The following YPEL4 variants were observed in gnomAD, a reference collection of about 807,000 sequenced individuals.
YPEL4 encodes the protein protein yippee-like 4.
A neutral mutation model predicts 16.3 loss-of-function variants in YPEL4; 5 were observed. That is an observed-to-expected ratio of 0.31 (90% CI 0.16 to 0.64). The LOEUF (loss-of-function observed/expected upper bound fraction) is 0.64, where lower values mean the gene tolerates loss of function less well. Among genes scored for constraint, YPEL4 ranks in the 30% least tolerant of loss-of-function variants. The probability of loss-of-function intolerance (pLI) is 0.79; values close to 1 mark genes in which losing one functional copy is unlikely to be tolerated. For synonymous variants in YPEL4, 61 were observed against 60.7 expected, an observed-to-expected ratio of 1.00 and a Z score of -0.02; for missense variants, 127 against 170.0, an observed-to-expected ratio of 0.75 and a Z score of 1.41.
intron 4 of YPEL4, 98 bp from the exon 5 acceptor site, chr11:57,646,168 C>T (rs992376793): frequency 7.4e-5 from 116 of 1,562,792 alleles, no homozygotes; most frequent in Admixed American, 7.2e-4. Flanking sequence ...ATCCACCTAG[C>T]CCAACCCAGT....
rs777125099 is a variant in YPEL4, at chr11:57,646,090, T to G, written c.295-20A>C. The stretch of plus-strand genomic sequence containing the variant: ...TTGCTCCTGGTGAAGGAGAAAGCAG[T>G]GATTGTAGGACAAAGCAGTTTCCTT... On this transcript the variant is annotated intron_variant, in intron 4 of 4. Transcript: ENST00000300022. 4 of 1,613,660 alleles carry G rather than the reference T, an allele frequency of 2.5e-6. No individual in the cohort carries two copies. The South Asian group carries it at 4.4e-5, about 18-fold the overall frequency.
Position 57,649,734 on chromosome 11 carries a change from A to C in YPEL4, c.-234T>G, listed in dbSNP as rs1945768905. ...CGTCTATCTCTCTCTCTCTCTCTCA[A>C]TCTCTCAATCTCTCTGCTCACTCTT... On this transcript the variant is annotated 5_prime_UTR_variant, in exon 1 of 5. Transcript: ENST00000300022. 2 of 138,292 alleles carry C rather than the reference A, an allele frequency of 1.4e-5. No individual in the cohort carries two copies. Among genetic ancestry groups the C allele is most frequent in the East Asian group, 2.2e-4 (1 of 4,488 alleles). The allele number at this position is 138,292 out of a possible 1,614,324, so 8.6% of individuals were successfully genotyped here. A position where few individuals can be genotyped will look rare whatever the true frequency, so the allele number is the denominator to read the frequency against.
rs767844187 is a variant in YPEL4, at chr11:57,647,289, C to T, written c.-182G>A. 1.2e-6 allele frequency: 1 copy of T among 803,122 alleles called. No homozygotes were observed. Among genetic ancestry groups the T allele is most frequent in the South Asian group, 2.4e-5 (1 of 42,278 alleles). 49.7% of individuals were successfully genotyped at this position (803,122 alleles called of 1,614,324 possible). A position where few individuals can be genotyped will look rare whatever the true frequency, so the allele number is the denominator to read the frequency against. ...ACGAGAACCAGATAGAAATAGAAGTCACCTGGGAAGAGGGGAAAGGACATC... is the reference window on the plus strand; with the variant it reads ...ACGAGAACCAGATAGAAATAGAAGTTACCTGGGAAGAGGGGAAAGGACATC... On this transcript the variant is annotated splice_region_variant and 5_prime_UTR_variant, in exon 2 of 5. Coordinates refer to ENST00000300022, the MANE Select transcript of YPEL4 (RefSeq NM_145008.3). The surrounding 1 kb of genome is among the most constrained non-coding windows in gnomAD (Gnocchi z 4.2).
rs1012092843 is a variant in YPEL4 at position 57,645,790 on chromosome 11, C to T, written c.*191G>A. On this transcript the variant is annotated 3_prime_UTR_variant, in exon 5 of 5. Coordinates refer to ENST00000300022, the MANE Select transcript of YPEL4 (RefSeq NM_145008.3). ...ACTGCTGCCCACTCCTGAGCCTTAA[C>T]ACCCCTGGGGTACCCCCAGACCCCT... 1 of 600,484 alleles carries T rather than the reference C, an allele frequency of 1.7e-6. No individual in the cohort carries two copies. Among genetic ancestry groups the T allele is most frequent in the East Asian group, 2.8e-5 (1 of 35,902 alleles). 37.2% of individuals were successfully genotyped at this position (600,484 alleles called of 1,614,324 possible).
chr11:57,646,054 G>A lies in YPEL4; in HGVS notation c.311C>T (p.Thr104Met), dbSNP rs371932613. 1.7e-5 allele frequency: 28 copies of A among 1,614,072 alleles called. No homozygotes were observed. The highest frequency in any genetic ancestry group is 5.0e-5 in the Admixed American group (3 of 60,022). The part of the protein sequence containing the change: ...LGWKYEQAFE[T>M]SQKYKEGKYI... ...TTTCCCTTCCTTGTACTTCTGGCTC[G>A]TCTCAAAAGCTTGCTCCTGGTGAAG... The change falls in exon 5 of 5, where the codon ACG becomes ATG. Residue 104 changes from threonine to methionine, a missense_variant. By Grantham distance (81) the Thr-to-Met change is moderately conservative. Transcript: ENST00000300022.
In YPEL4 at chr11:57,647,315, A is replaced by G; in HGVS notation, c.-184-24T>C. On this transcript the variant is annotated intron_variant, in intron 1 of 4. Transcript: ENST00000300022. The surrounding 1 kb of genome is among the most constrained non-coding windows in gnomAD (Gnocchi z 4.2). The stretch of plus-strand genomic sequence containing the variant: ...ACCTGGGAAGAGGGGAAAGGACATC[A>G]GGGGAGCTGCGACCTCAGGAGGACC... The G allele has an allele frequency of 3.3e-6, 2 of 605,254 alleles. No individual in the cohort carries two copies. The allele number at this position is 605,254 out of a possible 1,614,324, so 37.5% of individuals were successfully genotyped here.
At position 57,645,952 on chromosome 11, in the gene YPEL4, G is replaced by A. The variant is rs144955070; in HGVS notation, c.*29C>T. The A allele has an allele frequency of 1.2e-4, 199 of 1,606,970 alleles. No homozygotes were observed. The highest frequency in any genetic ancestry group is 3.4e-4 in the Middle Eastern group (2 of 5,816). On this transcript the variant is annotated 3_prime_UTR_variant, in exon 5 of 5. Coordinates refer to ENST00000300022, the MANE Select transcript of YPEL4 (RefSeq NM_145008.3). Reference sequence around the variant, plus strand: ...GGGCCGTGGGGAGGGAGGGGCATGCGGAGGAAGGGCACACCCTGCCTGAGC... The same window carrying A: ...GGGCCGTGGGGAGGGAGGGGCATGCAGAGGAAGGGCACACCCTGCCTGAGC...
In YPEL4 at chr11:57,647,057, A is replaced by C; in HGVS notation, c.51T>G (p.Thr17=). The C allele has an allele frequency of 4.4e-6, 7 of 1,597,110 alleles. No homozygotes were observed. The highest frequency in any genetic ancestry group is 6.0e-6 in the Non-Finnish European group (7 of 1,173,316). The change falls in exon 2 of 5, where the codon ACT becomes ACG. Residue 17 remains threonine (T), a synonymous_variant. Transcript: ENST00000300022. The surrounding 1 kb of genome is among the most constrained non-coding windows in gnomAD (Gnocchi z 4.2). ...GPGPACLPTK[T]FRSYLPRCHR... is the part of the protein sequence containing the mutation. ...GACAGCGGGGCAGATAGCTGCGGAA[A>C]GTCTTGGTGGGGAGGCAGGCAGGGC...
rs1376674816 is a variant in YPEL4 at position 57,647,940 on chromosome 11, C to T, written c.-184-649G>A. The T allele has an allele frequency of 6.6e-6, 1 of 152,292 alleles. No homozygotes were observed. The highest frequency in any genetic ancestry group is 2.4e-5 in the African/African-American group (1 of 41,444). 9.4% of individuals were successfully genotyped at this position (152,292 alleles called of 1,614,324 possible). A position where few individuals can be genotyped will look rare whatever the true frequency, so the allele number is the denominator to read the frequency against. ...CCTCACGTGTGGCCGCCCATTCTCGCACCTTGGTTCACTCATTCTGGCCCA... is the reference window on the plus strand; with the variant it reads ...CCTCACGTGTGGCCGCCCATTCTCGTACCTTGGTTCACTCATTCTGGCCCA... On this transcript the variant is annotated intron_variant, in intron 1 of 4. Transcript: ENST00000300022. This position sits in a 1 kb window ranked among gnomAD's most constrained non-coding sequence, Gnocchi z 4.2.
Position 57,647,255 on chromosome 11 carries a change from C to G in YPEL4, c.-148G>C. The G allele has an allele frequency of 9.3e-7, 1 of 1,070,552 alleles. No individual in the cohort carries two copies. Among genetic ancestry groups the G allele is most frequent in the Non-Finnish European group, 1.3e-6 (1 of 780,956 alleles). 66.3% of individuals were successfully genotyped at this position (1,070,552 alleles called of 1,614,324 possible). ...GTGTTGGGGGGCTGCCCGGCCAGGGCCCCCCCAGACGAGAACCAGATAGAA... is the reference window on the plus strand; with the variant it reads ...GTGTTGGGGGGCTGCCCGGCCAGGGGCCCCCCAGACGAGAACCAGATAGAA... On this transcript the variant is annotated 5_prime_UTR_variant, in exon 2 of 5. Coordinates refer to ENST00000300022, the MANE Select transcript of YPEL4 (RefSeq NM_145008.3). The surrounding 1 kb of genome is among the most constrained non-coding windows in gnomAD (Gnocchi z 4.2).
Position 57,645,990 on chromosome 11 carries a change from G to T in YPEL4, c.375C>A (p.Gly125=), listed in dbSNP as rs369779319. 1 of 1,614,116 alleles carries T rather than the reference G, an allele frequency of 6.2e-7. No homozygotes were observed. The highest frequency in any genetic ancestry group is 8.5e-7 in the Non-Finnish European group (1 of 1,180,020). ...ACCCTGCCTGAGCCCCTCAGTCCCA[G>T]CCGTTGTCCTTCACCATGTGTGACA... The part of the protein sequence containing the change: ...IEMSHMVKDN[G]WD Residue 125 remains glycine, a synonymous_variant, in exon 5 of 5, where the codon GGC becomes GGA. Transcript: ENST00000300022.
chr11:57,646,259 G>A (rs781644520), intron 4 of YPEL4, 38 bp downstream of exon 4: 1 of 1,609,886 alleles, frequency 6.2e-7, no homozygotes, highest in Non-Finnish European at 8.5e-7. Flanking sequence ...CATGGGGACT[G>A]CCACTTTAGA....
Position 57,646,755 on chromosome 11 carries a change from A to G in YPEL4, c.181T>C (p.Ser61Pro). The G allele has an allele frequency of 6.2e-7, 1 of 1,613,966 alleles. No homozygotes were observed. The highest frequency in any genetic ancestry group is 8.5e-7 in the Non-Finnish European group (1 of 1,179,966). The change falls in exon 3 of 5, where the codon TCC becomes CCC. Residue 61 changes from serine to proline, a missense_variant. Ser to Pro is a moderately conservative substitution (Grantham distance 74). Transcript: ENST00000300022. ...CAAGGAAAGAGGTAGACTCACACGG[A>G]GTTAAACAGGTAGGCTCGGCCATGG... ...GSHGRAYLFN[S>P]VVNVGCGPAE...
intron 4 of YPEL4, 40 bp from the exon 5 acceptor site, chr11:57,646,110 T>C (rs773140398): frequency 1.2e-6 from 2 of 1,611,446 alleles, no homozygotes; most frequent in Admixed American, 3.3e-5. Flanking sequence ...ACAAAGCAGT[T>C]TCCTTCCAGG....
chr11:57,646,657 G>C (rs1168468327), intron 3 of YPEL4, 94 bp downstream of exon 3: 2 of 1,546,510 alleles, frequency 1.3e-6, no homozygotes, highest in Non-Finnish European at 1.8e-6. Flanking sequence ...GAAGGCACAA[G>C]ATCACCTGAT....
intron 3 of YPEL4, 36 bp downstream of exon 3, chr11:57,646,715 G>A (rs1479684654): frequency 1.2e-6 from 2 of 1,611,782 alleles, no homozygotes; most frequent in African/African-American, 1.3e-5. Context: ...TCACACACAA[G>A]CACAAGCACA....
Position 57,645,713 on chromosome 11 carries a change from G to C in YPEL4, c.*268C>G. On this transcript the variant is annotated 3_prime_UTR_variant, in exon 5 of 5. Transcript: ENST00000300022. ...CCATCGCTTCCATGTTCAGGATCTTGGGAACAGAAAGACCCACAACCATCC... is the reference window on the plus strand; with the variant it reads ...CCATCGCTTCCATGTTCAGGATCTTCGGAACAGAAAGACCCACAACCATCC... 1 of 473,232 alleles carries C rather than the reference G, an allele frequency of 2.1e-6. No homozygotes were observed. The highest frequency in any genetic ancestry group is 3.5e-5 in the East Asian group (1 of 28,980). 29.3% of individuals were successfully genotyped at this position (473,232 alleles called of 1,614,324 possible). A position where few individuals can be genotyped will look rare whatever the true frequency, so the allele number is the denominator to read the frequency against.
At position 57,647,253 on chromosome 11, in the gene YPEL4, G is replaced by A. The variant is rs1945743489; in HGVS notation, c.-146C>T. 1.7e-5 allele frequency: 19 copies of A among 1,130,920 alleles called. 1 individual carries two copies. The highest frequency in any genetic ancestry group is 3.8e-5 in the South Asian group (2 of 52,684). 70.1% of individuals were successfully genotyped at this position (1,130,920 alleles called of 1,614,324 possible). A position where few individuals can be genotyped will look rare whatever the true frequency, so the allele number is the denominator to read the frequency against. On this transcript the variant is annotated 5_prime_UTR_variant, in exon 2 of 5. Transcript: ENST00000300022. This position sits in a 1 kb window ranked among gnomAD's most constrained non-coding sequence, Gnocchi z 4.2. ...AAGTGTTGGGGGGCTGCCCGGCCAGGGCCCCCCCAGACGAGAACCAGATAG... is the reference window on the plus strand; with the variant it reads ...AAGTGTTGGGGGGCTGCCCGGCCAGAGCCCCCCCAGACGAGAACCAGATAG...
chr11:57,645,876 G>T lies in YPEL4; in HGVS notation c.*105C>A. The T allele has an allele frequency of 1.7e-6, 2 of 1,193,006 alleles. No homozygotes were observed. The highest frequency in any genetic ancestry group is 2.4e-5 in the East Asian group (1 of 42,052). 73.9% of individuals were successfully genotyped at this position (1,193,006 alleles called of 1,614,324 possible). A position where few individuals can be genotyped will look rare whatever the true frequency, so the allele number is the denominator to read the frequency against. On this transcript the variant is annotated 3_prime_UTR_variant, in exon 5 of 5. Transcript: ENST00000300022. The stretch of plus-strand genomic sequence containing the variant: ...GCAGGGGAGGGGTTGGTTGGAGCCA[G>T]GTTTCCCCCAGGGGTGGGGCAGTAC...
Sources: gnomAD v4.1 joint callset for allele counts on GRCh38, gnomAD v4.1.1 for gene constraint, Gnocchi (gnomAD v3.1) non-coding constraint, MANE v1.5 for transcripts, NCBI Gene and HGNC (gene_info 2026-07-23, HGNC 2026-07-21) for gene names.